The following IL1RAPL1 variants were observed in gnomAD, a reference collection of about 807,000 sequenced individuals.
IL1RAPL1 encodes the protein interleukin 1 receptor accessory protein like 1.
In IL1RAPL1, 3 loss-of-function variants were observed where a neutral mutation model predicts 48.4. The observed-to-expected ratio is 0.06, with a 90% CI of 0.03 to 0.16. The LOEUF (loss-of-function observed/expected upper bound fraction) is 0.16, where lower values mean the gene tolerates loss of function less well. Among genes scored for constraint, IL1RAPL1 ranks in the 10% least tolerant of loss-of-function variants. IL1RAPL1 has a pLI of 1.00. For missense variants in IL1RAPL1, 349 were observed against 530.6 expected, an observed-to-expected ratio of 0.66 and a Z score of 3.36; for synonymous variants, 185 against 187.7, an observed-to-expected ratio of 0.99 and a Z score of 0.12.
intron 2 of IL1RAPL1, among the ~76,000 whole-genome samples, chrX:29,062,886 A>T (rs1927371550): frequency 9.0e-6 from 1 of 111,588 alleles, no homozygotes; most frequent in African/African-American, 3.3e-5. Context: ...CATGGAAAAA[A>T]TTGCAAAGTC....
At chrX:29,012,389 A>C (rs1024778752) in intron 2 of IL1RAPL1, among the ~76,000 whole-genome samples, 36 of 111,169 alleles carry the variant, frequency 3.2e-4, no homozygotes, top group African/African-American at 1.2e-3. Flanking sequence ...CTAAAAATAC[A>C]AAAAATTAGC....
intron 3 of IL1RAPL1, among the ~76,000 whole-genome samples, chrX:29,354,054 T>C (rs763305115): frequency 3.9e-4 from 43 of 110,552 alleles, no homozygotes; most frequent in Non-Finnish European, 6.1e-4. Flanking sequence ...AGTTTACCTA[T>C]ATTTATTTTG....
intron 6 of IL1RAPL1, among the ~76,000 whole-genome samples, chrX:29,755,061 A>G (rs1346279642): frequency 8.9e-6 from 1 of 112,141 alleles, no homozygotes; most frequent in Non-Finnish European, 1.9e-5. Flanking sequence ...CTTAATTCCT[A>G]ACTAGGTGTT....
At chrX:29,691,248 T>C (rs190422215) in intron 6 of IL1RAPL1, among the ~76,000 whole-genome samples, 2 of 111,794 alleles carry the variant, frequency 1.8e-5, no homozygotes, top group East Asian at 5.6e-4. Flanking sequence ...TCCTGCTGTG[T>C]TGGTCATCAG....
intron 2 of IL1RAPL1, among the ~76,000 whole-genome samples, chrX:28,991,772 A>G (rs1307280543): frequency 2.7e-5 from 3 of 112,617 alleles, no homozygotes; most frequent in Admixed American, 9.4e-5. Flanking sequence ...ACATTTTTCA[A>G]AATGCAAATT....
At chrX:29,601,870 C>G (rs893842040) in intron 5 of IL1RAPL1, among the ~76,000 whole-genome samples, 1 of 112,237 alleles carries the variant, frequency 8.9e-6, no homozygotes, top group Non-Finnish European at 1.9e-5. Context: ...AAACCTGGTT[C>G]GGTTTTGATG....
At chrX:29,228,759 G>A (rs1351739496) in intron 2 of IL1RAPL1, among the ~76,000 whole-genome samples, 1 of 112,134 alleles carries the variant, frequency 8.9e-6, no homozygotes. Context: ...AAGCTAAATA[G>A]TTTGTTCTGT....
chrX:29,927,408 C>A (rs1161603889), intron 8 of IL1RAPL1, among the ~76,000 whole-genome samples: 1 of 111,843 alleles, frequency 8.9e-6, no homozygotes, highest in African/African-American at 3.2e-5. Context: ...ATGGTCAACA[C>A]CTTTGAACCT....
intron 6 of IL1RAPL1, among the ~76,000 whole-genome samples, chrX:29,877,159 A>G (rs1337673561): frequency 8.9e-6 from 1 of 112,102 alleles, no homozygotes; most frequent in Non-Finnish European, 1.9e-5. Context: ...ACGTACAACT[A>G]TGTATATATT....
intron 6 of IL1RAPL1, among the ~76,000 whole-genome samples, chrX:29,697,861 C>T (rs1048318673): frequency 1.8e-4 from 20 of 111,444 alleles, no homozygotes; most frequent in Non-Finnish European, 3.0e-4. Context: ...TGTTCTTTCA[C>T]ATCTACACTT....
intron 1 of IL1RAPL1, among the ~76,000 whole-genome samples, chrX:28,653,885 G>A (rs994488337): frequency 8.9e-6 from 1 of 111,771 alleles, no homozygotes; most frequent in Non-Finnish European, 1.9e-5. Context: ...AAAGCTCACA[G>A]GAACCTGCAT....
chrX:29,568,533 A>G (rs1922486547), intron 5 of IL1RAPL1, among the ~76,000 whole-genome samples: 1 of 110,817 alleles, frequency 9.0e-6, no homozygotes, highest in African/African-American at 3.3e-5. Flanking sequence ...GTTCTATATA[A>G]ATGTTATTTC....
At chrX:29,763,043 G>GTT (rs1281039315) in intron 6 of IL1RAPL1, among the ~76,000 whole-genome samples, 1 of 105,837 alleles carries the variant, frequency 9.4e-6, no homozygotes, top group Non-Finnish European at 1.9e-5. Context: ...ATAAGAAAAA[G>GTT]TTTTTTGTTT....
intron 5 of IL1RAPL1, among the ~76,000 whole-genome samples, chrX:29,430,539 A>C (rs962653270): frequency 9.2e-6 from 1 of 108,696 alleles, no homozygotes; most frequent in South Asian, 4.0e-4. Context: ...GAATAGGGCT[A>C]GTCTGTATTT....
chrX:28,957,094 G>T (rs776725278), intron 2 of IL1RAPL1, among the ~76,000 whole-genome samples: 2 of 110,403 alleles, frequency 1.8e-5, no homozygotes, highest in Non-Finnish European at 3.8e-5. Context: ...TATTTCTGTG[G>T]GATCGGTGGT....
Position 29,780,794 on chromosome X carries a change from T to C in IL1RAPL1, c.778+112290T>C, listed in dbSNP as rs187712993. Among the ~76,000 whole-genome samples, 239 of 111,741 alleles carry C rather than the reference T, an allele frequency of 2.1e-3. 1 individual carries two copies. Among genetic ancestry groups the C allele is most frequent in the African/African-American group, 7.4e-3 (227 of 30,828 alleles). On this transcript the variant is annotated intron_variant, in intron 6 of 10. Coordinates refer to ENST00000378993, the MANE Select transcript of IL1RAPL1 (RefSeq NM_014271.4). ...AGGCTAGCATTATAAATAATAATCA[T>C]ATTAAAGAGTGTTATTTTAATATTA...
intron 2 of IL1RAPL1, among the ~76,000 whole-genome samples, chrX:28,955,922 G>C (rs1924596850): frequency 2.3e-5 from 2 of 86,693 alleles, no homozygotes; most frequent in African/African-American, 9.4e-5. Context: ...TCTTCCATTT[G>C]TTTGTATCCT....
intron 2 of IL1RAPL1, among the ~76,000 whole-genome samples, chrX:28,958,084 TATC>T (rs1160330730): frequency 8.9e-6 from 1 of 111,956 alleles, no homozygotes; most frequent in Non-Finnish European, 1.9e-5. Context: ...TGGAGCCAGT[TATC>T]ATATGCGTCA....
chrX:29,127,784 C>A (rs1928929620), intron 2 of IL1RAPL1, among the ~76,000 whole-genome samples: 1 of 110,128 alleles, frequency 9.1e-6, no homozygotes, highest in South Asian at 3.9e-4. Context: ...ATGGTGAAAC[C>A]CCATCTCTAC....
Sources: allele counts gnomAD v4.1 joint callset (sites outside exome capture counted in the v4.1 genomes callset), GRCh38; gene constraint gnomAD v4.1.1; transcripts MANE v1.5; gene names NCBI Gene and HGNC (gene_info 2026-07-23, HGNC 2026-07-21).